The following GRM7 variants were observed in gnomAD, a reference collection of about 807,000 sequenced individuals.
The protein encoded by GRM7 is metabotropic glutamate receptor 7.
In GRM7, 35 loss-of-function variants were observed where a neutral mutation model predicts 84.5. The ratio of observed to expected loss-of-function variants is 0.41; its 90% CI spans 0.32 to 0.55. The LOEUF is 0.55. Ranked by LOEUF, GRM7 falls within the 20% of genes least tolerant of loss-of-function variation. GRM7 has a pLI of 0.19. For missense variants in GRM7, 1,003 were observed against 1,194.6 expected (o/e 0.84, Z 2.36); for synonymous variants, 487 against 455.1 (o/e 1.07, Z -0.89).
intron 1 of GRM7, among the ~76,000 whole-genome samples, chr3:6,993,012 G>C (rs530449293): frequency 2.5e-4 from 38 of 152,212 alleles, no homozygotes; most frequent in African/African-American, 8.4e-4. Flanking sequence ...AATTTATAAA[G>C]GAAAGAGGTT....
chr3:6,882,756 T>C (rs1371162948), intron 1 of GRM7, among the ~76,000 whole-genome samples: 1 of 152,204 alleles, frequency 6.6e-6, no homozygotes, highest in African/African-American at 2.4e-5. Context: ...CATGATTCCA[T>C]GTCATTTAAT....
intron 1 of GRM7, among the ~76,000 whole-genome samples, chr3:7,133,765 G>A (rs1193848696): frequency 6.6e-6 from 1 of 152,122 alleles, no homozygotes; most frequent in Non-Finnish European, 1.5e-5. Flanking sequence ...TTAATCCTAG[G>A]TTACTGACCG....
rs187901707 is a variant in GRM7, at chr3:7,417,088, G to A, written c.1174+1925G>A. ...TTCAGGCTGATCATTGAGAATTTGGGCTTATACAAACTAGTAAGGTCATTA... is the reference window on the plus strand; with the variant it reads ...TTCAGGCTGATCATTGAGAATTTGGACTTATACAAACTAGTAAGGTCATTA... On this transcript the variant is annotated intron_variant, in intron 5 of 9. Coordinates refer to ENST00000357716, the MANE Select transcript of GRM7 (RefSeq NM_000844.4). Among the ~76,000 whole-genome samples the A allele has an allele frequency of 5.3e-5, 8 of 152,124 alleles. No individual in the cohort carries two copies. In the East Asian group the frequency reaches 1.5e-3, roughly 29 times the overall value.
intron 2 of GRM7, among the ~76,000 whole-genome samples, chr3:7,167,669 CTT>C (rs1694843048): frequency 6.6e-6 from 1 of 152,006 alleles, no homozygotes; most frequent in African/African-American, 2.4e-5. Context: ...CAGTTTGTCT[CTT>C]TAAAAAAAAG....
At position 7,579,013 on chromosome 3, in the gene GRM7, C is replaced by G; in HGVS notation, c.2107C>G (p.Leu703Val). Residue 703 changes from leucine to valine, a missense_variant, in exon 8 of 10, where the codon CTG (leucine) becomes GTG (valine). Coordinates refer to ENST00000357716, the MANE Select transcript of GRM7 (RefSeq NM_000844.4). ...CAGACTCATAAGCCCAACATCACAA[C>G]TGGCAATCACTTCCAGTTTAATATC... is the stretch of plus-strand genomic sequence containing the variant. Reference protein sequence around the residue: ...APRLISPTSQLAITSSLISVQ... With the variant: ...APRLISPTSQVAITSSLISVQ... The G allele has an allele frequency of 1.2e-6, 2 of 1,614,112 alleles. No individual in the cohort carries two copies. The highest frequency in any genetic ancestry group is 1.7e-6 in the Non-Finnish European group (2 of 1,179,990).
At chr3:7,408,208 C>T (rs976691581) in intron 4 of GRM7, among the ~76,000 whole-genome samples, 8 of 152,086 alleles carry the variant, frequency 5.3e-5, no homozygotes, top group African/African-American at 1.9e-4. Context: ...TATATTTATT[C>T]CCATATAAGT....
At chr3:7,319,100 C>T (rs1700681951) in intron 4 of GRM7, among the ~76,000 whole-genome samples, 1 of 151,956 alleles carries the variant, frequency 6.6e-6, no homozygotes, top group African/African-American at 2.4e-5. Context: ...ATATAAGATA[C>T]TGTGCGTGTT....
intron 1 of GRM7, among the ~76,000 whole-genome samples, chr3:7,100,074 C>T (rs888389514): frequency 2.0e-5 from 3 of 150,146 alleles, no homozygotes; most frequent in African/African-American, 7.3e-5. Context: ...ATTTACTTTC[C>T]CCACAGAAGA....
At position 6,861,847 on chromosome 3, in the gene GRM7, G is replaced by A; in HGVS notation, c.459G>A (p.Val153=). 4 of 1,614,134 alleles carry A rather than the reference G, an allele frequency of 2.5e-6. No homozygotes were observed. The highest frequency in any genetic ancestry group is 2.5e-6 in the Non-Finnish European group (3 of 1,180,030). ...VFVKPEKVVG[V]IGASGSSVSI... ...TCAAGCCGGAGAAAGTAGTTGGAGT[G>A]ATTGGGGCTTCGGGGAGTTCGGTCT... is the stretch of plus-strand genomic sequence containing the variant. The change falls in exon 1 of 10, where the codon GTG becomes GTA. Residue 153 remains valine (V), a synonymous_variant. Coordinates refer to ENST00000357716, the MANE Select transcript of GRM7 (RefSeq NM_000844.4). This position sits in a 1 kb window ranked among gnomAD's most constrained non-coding sequence, Gnocchi z 6.4.
intron 1 of GRM7, among the ~76,000 whole-genome samples, chr3:7,096,577 G>A (rs925392675): frequency 9.2e-5 from 14 of 152,092 alleles, no homozygotes; most frequent in Middle Eastern, 6.8e-3. Flanking sequence ...ATTGAGCTTC[G>A]GTGTCCAGAG....
intron 4 of GRM7, among the ~76,000 whole-genome samples, chr3:7,322,396 A>C (rs1194626419): frequency 6.6e-6 from 1 of 151,928 alleles, no homozygotes; most frequent in Non-Finnish European, 1.5e-5. Flanking sequence ...ACTTTTATGT[A>C]TGTATGTATC....
chr3:7,378,430 C>G (rs941978780), intron 4 of GRM7, among the ~76,000 whole-genome samples: 2 of 152,140 alleles, frequency 1.3e-5, no homozygotes, highest in East Asian at 1.9e-4. Flanking sequence ...CTTGCATAAG[C>G]TAAACTGGGT....
chr3:7,667,532 T>G (rs1316888409), intron 8 of GRM7, among the ~76,000 whole-genome samples: 3 of 152,174 alleles, frequency 2.0e-5, no homozygotes, highest in Non-Finnish European at 2.9e-5. Context: ...TTTAAAAAAT[T>G]CATCCATCAA....
intron 7 of GRM7, among the ~76,000 whole-genome samples, chr3:7,575,189 C>T (rs1694900635): frequency 6.6e-6 from 1 of 152,180 alleles, no homozygotes; most frequent in South Asian, 2.1e-4. Flanking sequence ...GCTAGGATCT[C>T]AGCCCTTCCC....
intron 7 of GRM7, chr3:7,559,131 G>GC (rs1693896323): frequency 8.7e-6 from 1 of 115,112 alleles, no homozygotes; most frequent in African/African-American, 4.0e-5. Flanking sequence ...ATTAACAGTC[G>GC]CTTTTTTTTT....
At position 7,443,220 on chromosome 3, in the gene GRM7, T is replaced by C. The variant is rs140828486; in HGVS notation, c.1175-9387T>C. On this transcript the variant is annotated intron_variant, in intron 5 of 9. Coordinates refer to ENST00000357716, the MANE Select transcript of GRM7 (RefSeq NM_000844.4). ...CTGTCATAATCTGGCCAATTTATTT[T>C]TACAGATACCCTATACATATTTTTT... is the stretch of plus-strand genomic sequence containing the variant. Among the ~76,000 whole-genome samples, 195 of 152,264 alleles carry C rather than the reference T, an allele frequency of 1.3e-3. 1 individual carries two copies. The highest frequency in any genetic ancestry group is 4.4e-3 in the African/African-American group (182 of 41,556).
intron 7 of GRM7, among the ~76,000 whole-genome samples, chr3:7,530,611 T>C (rs1700999917): frequency 6.6e-6 from 1 of 152,148 alleles, no homozygotes; most frequent in Non-Finnish European, 1.5e-5. Flanking sequence ...ATCTATTGTT[T>C]CCTGACTTTT....
At chr3:6,948,997 G>A (rs1399872266) in intron 1 of GRM7, among the ~76,000 whole-genome samples, 1 of 152,266 alleles carries the variant, frequency 6.6e-6, no homozygotes, top group Middle Eastern at 3.4e-3. Context: ...GATGGGTCTT[G>A]ACTCTTTATC....
At chr3:7,476,295 C>T (rs1275208585) in intron 7 of GRM7, among the ~76,000 whole-genome samples, 1 of 152,206 alleles carries the variant, frequency 6.6e-6, no homozygotes, top group Non-Finnish European at 1.5e-5. Context: ...CGCCTGTAAT[C>T]CCAGTACTTT....
Sources: allele counts gnomAD v4.1 joint callset (sites outside exome capture counted in the v4.1 genomes callset), GRCh38; gene constraint gnomAD v4.1.1; non-coding constraint Gnocchi (gnomAD v3.1); transcripts MANE v1.5; gene names NCBI Gene and HGNC (gene_info 2026-07-23, HGNC 2026-07-21).